Variants in KCNQ1 observed in about 807,000 individuals in gnomAD.
The protein encoded by KCNQ1 is potassium voltage-gated channel subfamily KQT member 1.
Under a neutral mutation model 72.4 loss-of-function variants are expected in KCNQ1, and 49 were observed. The ratio of observed to expected loss-of-function variants is 0.68; its 90% CI spans 0.54 to 0.86. The LOEUF is 0.86. Ranked by LOEUF, KCNQ1 falls within the 40% of genes least tolerant of loss-of-function variation. KCNQ1 has a pLI of 0.00. For missense variants in KCNQ1, 790 were observed against 945.1 expected (o/e 0.84, Z 2.15); for synonymous variants, 450 against 412.6 (o/e 1.09, Z -1.10).
chr11:2,704,399 GC>G lies in KCNQ1; in HGVS notation c.1514+42322del, dbSNP rs1850872900. Among the ~76,000 whole-genome samples, 1 of 152,164 alleles carries G rather than the reference GC, an allele frequency of 6.6e-6. No individual in the cohort carries two copies. Among genetic ancestry groups the G allele is most frequent in the Admixed American group, 6.5e-5 (1 of 15,278 alleles). On this transcript the variant is annotated intron_variant, in intron 11 of 15. Coordinates refer to ENST00000155840, the MANE Select transcript of KCNQ1 (RefSeq NM_000218.3). The surrounding 1 kb of genome is among the most constrained non-coding windows in gnomAD (Gnocchi z 4.3). Reference sequence around the variant, plus strand: ...TTGAGACATGTTTACTTGACTTCCTGCCCCAGGTCTCTGCTGTACCCACAGG... The same window carrying G: ...TTGAGACATGTTTACTTGACTTCCTGCCCAGGTCTCTGCTGTACCCACAGG...
In KCNQ1 at chr11:2,573,655, C is replaced by T. The variant is rs140364632; in HGVS notation, c.921+669C>T. ...TGCCCCTGGCTGTGAAGGTGGGTTC[C>T]GGCCACCTAGAGCAGCCCGGGAGCC... On this transcript the variant is annotated intron_variant, in intron 6 of 15. Transcript: ENST00000155840. 1.5e-3 allele frequency among the ~76,000 whole-genome samples: 235 copies of T among 151,784 alleles called. 9 individuals are homozygous for T. The East Asian group carries it at 0.034, about 22-fold the overall frequency.
At chr11:2,520,520 C>T (rs1222502456) in intron 1 of KCNQ1, among the ~76,000 whole-genome samples, 1 of 152,146 alleles carries the variant, frequency 6.6e-6, no homozygotes, top group African/African-American at 2.4e-5. Flanking sequence ...GGGTGACAGC[C>T]ACTGGTGAGG....
chr11:2,719,305 G>A (rs1457903046), intron 11 of KCNQ1, among the ~76,000 whole-genome samples: 1 of 145,650 alleles, frequency 6.9e-6, no homozygotes, highest in East Asian at 2.0e-4. Context: ...ACCAGCCTGG[G>A]CAGTATAACG....
At position 2,710,231 on chromosome 11, in the gene KCNQ1, G is replaced by A. The variant is rs532775593; in HGVS notation, c.1514+48150G>A. On this transcript the variant is annotated intron_variant, in intron 11 of 15. Coordinates refer to ENST00000155840, the MANE Select transcript of KCNQ1 (RefSeq NM_000218.3). This position sits in a 1 kb window ranked among gnomAD's most constrained non-coding sequence, Gnocchi z 4.1. ...TAGTGGTTTTGATTTGCATTTCCCC[G>A]ATGACTAATGATGTTGAGCATCTTA... Among the ~76,000 whole-genome samples, 5 of 152,118 alleles carry A rather than the reference G, an allele frequency of 3.3e-5. No individual in the cohort carries two copies. Among genetic ancestry groups the A allele is most frequent in the South Asian group, 2.1e-4 (1 of 4,822 alleles).
intron 15 of KCNQ1, among the ~76,000 whole-genome samples, chr11:2,842,024 A>T (rs1227649874): frequency 6.6e-6 from 1 of 152,194 alleles, no homozygotes; most frequent in Non-Finnish European, 1.5e-5. Context: ...CTGAGGACAT[A>T]ACCGACCATG....
rs917109984 is a variant in KCNQ1, at chr11:2,735,910, C to A, written c.1515-32934C>A. On this transcript the variant is annotated intron_variant, in intron 11 of 15. Transcript: ENST00000155840. The surrounding 1 kb of genome is among the most constrained non-coding windows in gnomAD (Gnocchi z 7.7). ...TTAATTACTTCTTATAAGACCCCAT[C>A]TCCAGACACACAGTCACAGTCAGAG... Among the ~76,000 whole-genome samples, 1 of 152,224 alleles carries A rather than the reference C, an allele frequency of 6.6e-6. No homozygotes were observed. The highest frequency in any genetic ancestry group is 2.4e-5 in the African/African-American group (1 of 41,454).
At position 2,486,893 on chromosome 11, in the gene KCNQ1, A is replaced by T. The variant is rs1846748454; in HGVS notation, c.387-41035A>T. Among the ~76,000 whole-genome samples the T allele has an allele frequency of 1.3e-5, 2 of 152,272 alleles. No homozygotes were observed. The highest frequency in any genetic ancestry group is 4.1e-4 in the South Asian group (2 of 4,824). On this transcript the variant is annotated intron_variant, in intron 1 of 15. Transcript: ENST00000155840. This position sits in a 1 kb window ranked among gnomAD's most constrained non-coding sequence, Gnocchi z 5.0. ...GCTGGGGATCACATTTCAACATGAG[A>T]GTTGGAGGGGACAAATATCTGAACT... is the stretch of plus-strand genomic sequence containing the variant.
chr11:2,758,152 G>A (rs1459919301), intron 11 of KCNQ1, among the ~76,000 whole-genome samples: 1 of 152,094 alleles, frequency 6.6e-6, no homozygotes, highest in African/African-American at 2.4e-5. Flanking sequence ...GAAAATATGT[G>A]CAAGCCACAT....
chr11:2,523,881 G>T (rs974368696), intron 1 of KCNQ1, among the ~76,000 whole-genome samples: 2 of 151,994 alleles, frequency 1.3e-5, no homozygotes, highest in African/African-American at 4.8e-5. Context: ...TCTGAGAGTG[G>T]GGGGAGTGCA....
Position 2,668,944 on chromosome 11 carries a change from G to A in KCNQ1, c.1514+6863G>A. On this transcript the variant is annotated intron_variant, in intron 11 of 15. Coordinates refer to ENST00000155840, the MANE Select transcript of KCNQ1 (RefSeq NM_000218.3). This position sits in a 1 kb window ranked among gnomAD's most constrained non-coding sequence, Gnocchi z 4.3. ...TAGCTCACCTTTCCCATGTAGATCTGCACTCCATCTGGGATTGATTTTTGT... is the reference window on the plus strand; with the variant it reads ...TAGCTCACCTTTCCCATGTAGATCTACACTCCATCTGGGATTGATTTTTGT... 7.5e-6 allele frequency: 3 copies of A among 397,554 alleles called. No homozygotes were observed. Among genetic ancestry groups the A allele is most frequent in the Non-Finnish European group, 1.3e-5 (3 of 225,742 alleles). The allele number at this position is 397,554 out of a possible 1,614,324, so 24.6% of individuals were successfully genotyped here.
In KCNQ1 at chr11:2,849,007, TG is replaced by T. The variant is rs1328661082; in HGVS notation, c.*1005del. ...GAGAATCACAGGCTGGGCTGGGCAC[TG>T]CTCTCACCTTGGTTCCTGGGGCATC... On this transcript the variant is annotated 3_prime_UTR_variant, in exon 16 of 16. Transcript: ENST00000155840. 3 of 454,176 alleles carry T rather than the reference TG, an allele frequency of 6.6e-6. No homozygotes were observed. In the Admixed American group the frequency reaches 7.0e-5, roughly 11 times the overall value. The allele number at this position is 454,176 out of a possible 1,614,324, so 28.1% of individuals were successfully genotyped here.
At chr11:2,807,134 C>G (rs1392630132) in intron 15 of KCNQ1, among the ~76,000 whole-genome samples, 1 of 152,198 alleles carries the variant, frequency 6.6e-6, no homozygotes, top group African/African-American at 2.4e-5. Context: ...TGCTTTAGCC[C>G]GTTTGGAAGT....
Position 2,759,740 on chromosome 11 carries a change from T to C in KCNQ1, c.1515-9104T>C, listed in dbSNP as rs960458513. On this transcript the variant is annotated intron_variant, in intron 11 of 15. Coordinates refer to ENST00000155840, the MANE Select transcript of KCNQ1 (RefSeq NM_000218.3). This position sits in a 1 kb window ranked among gnomAD's most constrained non-coding sequence, Gnocchi z 4.4. ...TGGATACAAGGGGCTTGCATCTGAC[T>C]TAACTGTCTGGCTGGGGGAGAGGGG... 2.0e-5 allele frequency among the ~76,000 whole-genome samples: 3 copies of C among 152,176 alleles called. No individual in the cohort carries two copies. The highest frequency in any genetic ancestry group is 7.2e-5 in the African/African-American group (3 of 41,448).
rs999923864 is a variant in KCNQ1, at chr11:2,471,408, C to A, written c.386+25924C>A. ...CCTTCACGCTCAGCAACGCCACAGC[C>A]TCTGACACTCCACGGCACTAAAGTG... is the stretch of plus-strand genomic sequence containing the variant. On this transcript the variant is annotated intron_variant, in intron 1 of 15. Transcript: ENST00000155840. This position sits in a 1 kb window ranked among gnomAD's most constrained non-coding sequence, Gnocchi z 4.8. 1.3e-5 allele frequency among the ~76,000 whole-genome samples: 2 copies of A among 152,222 alleles called. No individual in the cohort carries two copies. The highest frequency in any genetic ancestry group is 2.9e-5 in the Non-Finnish European group (2 of 68,046).
intron 11 of KCNQ1, chr11:2,689,054 ACCT>A (rs1208430570): frequency 5.0e-6 from 2 of 398,470 alleles, no homozygotes; most frequent in Non-Finnish European, 8.8e-6. Context: ...AGGGGCAGTT[ACCT>A]CCTCCTCCCC....
intron 10 of KCNQ1, chr11:2,638,300 C>T (rs1202578119): frequency 6.6e-6 from 1 of 152,204 alleles, no homozygotes; most frequent in Non-Finnish European, 1.5e-5. Context: ...CATGTTTTTG[C>T]AGTGGCTGGT....
In KCNQ1 at chr11:2,695,994, A is replaced by C; in HGVS notation, c.1514+33913A>C. 2.5e-6 allele frequency: 1 copy of C among 398,636 alleles called. No homozygotes were observed. Among genetic ancestry groups the C allele is most frequent in the East Asian group, 3.6e-5 (1 of 28,066 alleles). 24.7% of individuals were successfully genotyped at this position (398,636 alleles called of 1,614,324 possible). On this transcript the variant is annotated intron_variant, in intron 11 of 15. Transcript: ENST00000155840. This position sits in a 1 kb window ranked among gnomAD's most constrained non-coding sequence, Gnocchi z 5.2. ...CAAATATCTTGTAATGAGTCATGGC[A>C]AAGTTACATTCATGAGTGTAAAAGT...
rs933376821 is a variant in KCNQ1, at chr11:2,711,389, T to C, written c.1514+49308T>C. On this transcript the variant is annotated intron_variant, in intron 11 of 15. Transcript: ENST00000155840. This position sits in a 1 kb window ranked among gnomAD's most constrained non-coding sequence, Gnocchi z 5.4. ...TTGCGCACTAATTGTTGCCCAAGTC[T>C]TTGCACATCCTGCATCCTGCCTGGA... is the stretch of plus-strand genomic sequence containing the variant. Among the ~76,000 whole-genome samples, 13 of 152,226 alleles carry C rather than the reference T, an allele frequency of 8.5e-5. No homozygotes were observed. The highest frequency in any genetic ancestry group is 1.6e-4 in the Non-Finnish European group (11 of 68,042).
intron 2 of KCNQ1, among the ~76,000 whole-genome samples, chr11:2,532,626 T>C (rs1847660101): frequency 6.6e-6 from 1 of 151,926 alleles, no homozygotes; most frequent in African/African-American, 2.4e-5. Flanking sequence ...ACCACTTGCT[T>C]GGAGGAGGGG....
Sources: allele counts gnomAD v4.1 joint callset (sites outside exome capture counted in the v4.1 genomes callset), GRCh38; gene constraint gnomAD v4.1.1; non-coding constraint Gnocchi (gnomAD v3.1); transcripts MANE v1.5; gene names NCBI Gene and HGNC (gene_info 2026-07-23, HGNC 2026-07-21).